Variants in MAGI2 observed in about 807,000 individuals in gnomAD.
The protein encoded by MAGI2 is membrane associated guanylate kinase, WW and PDZ domain containing 2, also known as membrane-associated guanylate kinase, WW and PDZ domain-containing protein 2.
MAGI2 carries 35 observed loss-of-function variants against 133.3 expected under a neutral mutation model. That is an observed-to-expected ratio of 0.26 (90% CI 0.20 to 0.35). MAGI2 has a LOEUF of 0.35. Among genes scored for constraint, MAGI2 ranks in the 10% least tolerant of loss-of-function variants. The pLI is 1.00. For synonymous variants in MAGI2, 729 were observed against 710.6 expected (o/e 1.03, Z -0.41); for missense variants, 1,636 against 1,863.4 (o/e 0.88, Z 2.25).
In MAGI2 at chr7:79,168,889, GATATATATATATATATATAT is replaced by G. The variant is rs1182056135; in HGVS notation, c.302-161703_302-161684del. Among the ~76,000 whole-genome samples the G allele has an allele frequency of 1.5e-3, 22 of 14,632 alleles. No homozygotes were observed. The Middle Eastern group carries it at 0.25, about 166-fold the overall frequency. 9.6% of individuals were successfully genotyped at this position (14,632 alleles called of 152,430 possible). A position where few individuals can be genotyped will look rare whatever the true frequency, so the allele number is the denominator to read the frequency against. ...TGCCAGGTTTTTCTTTCTAAAGATA[GATATATATATATATATATAT>G]ATATATATATATATATATATATATA... On this transcript the variant is annotated intron_variant, in intron 1 of 21. Coordinates refer to ENST00000354212, the MANE Select transcript of MAGI2 (RefSeq NM_012301.4).
In MAGI2 at chr7:78,406,240, C is replaced by T. The variant is rs181675319; in HGVS notation, c.1046-37027G>A. ...AAACAGTCCATGACCTGTCCTCCGTCTTTTCCATGCCTCCAACTCTATTCT... is the reference window on the plus strand; with the variant it reads ...AAACAGTCCATGACCTGTCCTCCGTTTTTTCCATGCCTCCAACTCTATTCT... On this transcript the variant is annotated intron_variant, in intron 6 of 21. Transcript: ENST00000354212. Among the ~76,000 whole-genome samples the T allele has an allele frequency of 6.0e-3, 915 of 152,068 alleles. 6 individuals are homozygous for T. Among genetic ancestry groups the T allele is most frequent in the Non-Finnish European group, 9.4e-3 (637 of 67,918 alleles).
At chr7:78,873,977 T>C (rs944263862) in intron 2 of MAGI2, among the ~76,000 whole-genome samples, 1 of 152,112 alleles carries the variant, frequency 6.6e-6, no homozygotes, top group Non-Finnish European at 1.5e-5. Context: ...CAAGAATAAA[T>C]TGAAAATCAA....
chr7:79,087,694 A>T (rs1300255464), intron 1 of MAGI2, among the ~76,000 whole-genome samples: 1 of 152,096 alleles, frequency 6.6e-6, no homozygotes, highest in African/African-American at 2.4e-5. Flanking sequence ...GAAGGGGTCC[A>T]GTTTCAGTTT....
chr7:78,754,587 G>A (rs1823772902), intron 2 of MAGI2, among the ~76,000 whole-genome samples: 1 of 152,064 alleles, frequency 6.6e-6, no homozygotes, highest in South Asian at 2.1e-4. Context: ...GTATCAAGTT[G>A]AGCAGCAAGT....
intron 2 of MAGI2, among the ~76,000 whole-genome samples, chr7:78,627,449 G>A (rs1261251319): frequency 1.3e-5 from 2 of 152,136 alleles, no homozygotes; most frequent in Admixed American, 1.3e-4. Context: ...TCTTCATCAA[G>A]CTTATAAAGA....
intron 3 of MAGI2, among the ~76,000 whole-genome samples, chr7:78,543,857 T>C (rs28714393): frequency 0.029 from 4,469 of 152,360 alleles, 217 homozygotes; most frequent in African/African-American, 0.1. Context: ...TATCTTTATG[T>C]AGAACACTGG....
At chr7:79,106,373 C>A (rs1818454147) in intron 1 of MAGI2, among the ~76,000 whole-genome samples, 1 of 151,590 alleles carries the variant, frequency 6.6e-6, no homozygotes, top group African/African-American at 2.4e-5. Context: ...GGAAAGGTAA[C>A]AGGATTGTCA....
intron 2 of MAGI2, 69 bp from the exon 3 acceptor site, chr7:78,627,308 C>T: frequency 1.5e-6 from 2 of 1,344,116 alleles, no homozygotes; most frequent in Non-Finnish European, 1.9e-6. Context: ...AGAAATACCA[C>T]CATACTTCTG....
chr7:78,643,356 CA>C (rs1810506505), intron 2 of MAGI2, among the ~76,000 whole-genome samples: 1 of 151,838 alleles, frequency 6.6e-6, no homozygotes, highest in Non-Finnish European at 1.5e-5. Flanking sequence ...GTGCTCTGAG[CA>C]GATGAAAAAG....
chr7:78,758,835 T>C (rs2151294631), intron 2 of MAGI2, among the ~76,000 whole-genome samples: 1 of 152,182 alleles, frequency 6.6e-6, no homozygotes, highest in East Asian at 1.9e-4. Context: ...CTTATGTAGG[T>C]TCCTCCACAC....
chr7:78,053,492 G>T (rs2151114516), intron 21 of MAGI2, among the ~76,000 whole-genome samples: 1 of 152,368 alleles, frequency 6.6e-6, no homozygotes, highest in East Asian at 1.9e-4. Context: ...CTATGCTCCT[G>T]CCATGGGAAT....
intron 2 of MAGI2, among the ~76,000 whole-genome samples, chr7:78,882,421 G>A (rs1429680018): frequency 6.6e-6 from 1 of 151,920 alleles, no homozygotes; most frequent in African/African-American, 2.4e-5. Context: ...ATTCACAGCT[G>A]AATTCTACCA....
At chr7:78,445,355 A>C (rs117898099) in intron 6 of MAGI2, among the ~76,000 whole-genome samples, 1 of 152,158 alleles carries the variant, frequency 6.6e-6, no homozygotes, top group South Asian at 2.1e-4. Flanking sequence ...ATAACTATGG[A>C]TTTTCTATCC....
At chr7:78,773,076 T>G (rs926091919) in intron 2 of MAGI2, among the ~76,000 whole-genome samples, 1 of 152,170 alleles carries the variant, frequency 6.6e-6, no homozygotes, top group Non-Finnish European at 1.5e-5. Context: ...GGACAGACAG[T>G]GAGAAAGACA....
At chr7:78,689,579 G>A (rs562310742) in intron 2 of MAGI2, among the ~76,000 whole-genome samples, 11 of 151,612 alleles carry the variant, frequency 7.3e-5, no homozygotes, top group East Asian at 5.8e-4. Flanking sequence ...CCACATGACC[G>A]TCAGGCAACT....
At chr7:78,535,745 A>G (rs1482332851) in intron 3 of MAGI2, among the ~76,000 whole-genome samples, 1 of 152,136 alleles carries the variant, frequency 6.6e-6, no homozygotes, top group Non-Finnish European at 1.5e-5. Context: ...AAAATTAACA[A>G]TTATGGTTAA....
chr7:78,766,468 G>T (rs1825037287), intron 2 of MAGI2, among the ~76,000 whole-genome samples: 1 of 152,132 alleles, frequency 6.6e-6, no homozygotes, highest in Non-Finnish European at 1.5e-5. Context: ...CTATTAATAT[G>T]GGAACTTCCT....
At chr7:79,381,833 AAT>A (rs1302104780) in intron 1 of MAGI2, among the ~76,000 whole-genome samples, 12 of 151,786 alleles carry the variant, frequency 7.9e-5, no homozygotes, top group African/African-American at 2.9e-4. Context: ...TTCCCTTGCA[AAT>A]ATATCATTGT....
chr7:78,432,834 A>G (rs1198495762), intron 6 of MAGI2, among the ~76,000 whole-genome samples: 1 of 152,088 alleles, frequency 6.6e-6, no homozygotes, highest in African/African-American at 2.4e-5. Flanking sequence ...TAATATGCAT[A>G]TATAAAGCAC....
Sources: allele counts gnomAD v4.1 joint callset (sites outside exome capture counted in the v4.1 genomes callset), GRCh38; gene constraint gnomAD v4.1.1; transcripts MANE v1.5; gene names NCBI Gene and HGNC (gene_info 2026-07-23, HGNC 2026-07-21).